The following BOD1L1 variants were observed in gnomAD, a reference collection of about 807,000 sequenced individuals.
The protein encoded by BOD1L1 is biorientation of chromosomes in cell division protein 1-like 1.
Under a neutral mutation model 240.7 loss-of-function variants are expected in BOD1L1, and 86 were observed. That is an observed-to-expected ratio of 0.36 (90% confidence interval 0.30 to 0.43). The LOEUF is 0.43. Among genes scored for constraint, BOD1L1 ranks in the 20% least tolerant of loss-of-function variants. The pLI, the probability that BOD1L1 is intolerant of heterozygous loss-of-function variation, is 1.00. For synonymous variants in BOD1L1, 1,268 were observed against 1,272.3 expected, an observed-to-expected ratio of 1.00 and a Z score of 0.07; for missense variants, 3,554 against 3,643.5, an observed-to-expected ratio of 0.98 and a Z score of 0.63.
At chr4:13,596,585 T>A (rs1280677319) in intron 11 of BOD1L1, among the ~76,000 whole-genome samples, 1 of 146,976 alleles carries the variant, frequency 6.8e-6, no homozygotes. Context: ...AAGCCATGCT[T>A]AAAAAAAAAA....
rs547444100 is a variant in BOD1L1 at position 13,599,468 on chromosome 4, T to A, written c.7432A>T (p.Thr2478Ser). ...SLQKEDKSPE[T>S]GTAGGSSTAS... ...GTGCTACTGCCCCCTGCTGTCCCTG[T>A]CTCTGGGCTCTTATCTTCTTTCTGA... The change falls in exon 10 of 26, where the codon ACA becomes TCA. Residue 2478 changes from threonine to serine, a missense_variant. Transcript: ENST00000040738. The A allele has an allele frequency of 9.8e-5, 158 of 1,614,016 alleles. No homozygotes were observed. In the South Asian group the frequency reaches 1.7e-3, roughly 17 times the overall value.
chr4:13,593,123 A>T (rs1714346949), intron 12 of BOD1L1: 1 of 152,182 alleles, frequency 6.6e-6, no homozygotes, highest in African/African-American at 2.4e-5. Context: ...ATGCTCAATG[A>T]GGTATAATGC....
At chr4:13,618,936 G>A (rs534719860) in intron 2 of BOD1L1, among the ~76,000 whole-genome samples, 121 of 152,052 alleles carry the variant, frequency 8.0e-4, no homozygotes, top group Non-Finnish European at 1.4e-3. Context: ...AAGTCAGGGA[G>A]ACTGGATGAT....
Position 13,627,661 on chromosome 4 carries a change from G to A in BOD1L1, c.-74C>T. On this transcript the variant is annotated 5_prime_UTR_variant, in exon 1 of 26. Coordinates refer to ENST00000040738, the MANE Select transcript of BOD1L1 (RefSeq NM_148894.3). ...GGGAGGCGGCGGCTGCACTGGTCCC[G>A]CCGCCTGAGGGAAGCCAACGGGATG... The A allele has an allele frequency of 1.9e-6, 2 of 1,049,792 alleles. No individual in the cohort carries two copies. Among genetic ancestry groups the A allele is most frequent in the South Asian group, 4.4e-5 (1 of 22,544 alleles). The allele number at this position is 1,049,792 out of a possible 1,614,324, so 65.0% of individuals were successfully genotyped here.
chr4:13,614,026 G>C (rs1249354026), intron 4 of BOD1L1, among the ~76,000 whole-genome samples, 170 bp downstream of exon 4: 2 of 152,110 alleles, frequency 1.3e-5, no homozygotes, highest in African/African-American at 2.4e-5. Context: ...ACAGATATAT[G>C]AGTACACAAA....
At position 13,588,531 on chromosome 4, in the gene BOD1L1, A is replaced by T. The variant is rs180883540; in HGVS notation, c.8280+191T>A. Among the ~76,000 whole-genome samples, 27 of 152,322 alleles carry T rather than the reference A, an allele frequency of 1.8e-4. 1 individual carries two copies. Among genetic ancestry groups the T allele is most frequent in the Admixed American group, 1.6e-3 (24 of 15,306 alleles). On this transcript the variant is annotated intron_variant, in intron 15 of 25. Transcript: ENST00000040738. The stretch of plus-strand genomic sequence containing the variant: ...CTGTACAACGTGGGCACTTCCAAAC[A>T]GTCCTGGGAACTGCCAAATTGCCTA...
chr4:13,592,053 G>T, intron 12 of BOD1L1, 87 bp from the exon 13 acceptor site: 39 of 975,056 alleles, frequency 4.0e-5, no homozygotes, highest in Non-Finnish European at 5.6e-5. Context: ...TTAGGATAGG[G>T]AACCTATCCT....
chr4:13,594,188 T>C (rs571346710), intron 12 of BOD1L1, among the ~76,000 whole-genome samples: 7 of 151,844 alleles, frequency 4.6e-5, no homozygotes, highest in Admixed American at 2.6e-4. Context: ...CAAATGCCTA[T>C]AGAGTTTTTT....
In BOD1L1 at chr4:13,602,473, C is replaced by G. The variant is rs577265358; in HGVS notation, c.4427G>C (p.Arg1476Thr). ...GGTGTCTACCTCACTGTTTTCATTC[C>G]TTCTTTCAACATCAATTGATATGTC... is the stretch of plus-strand genomic sequence containing the variant. The part of the protein sequence containing the change: ...VKDISIDVER[R>T]NENSEVDTSA... Residue 1476 changes from arginine to threonine, a missense_variant, in exon 10 of 26, where the codon AGG becomes ACG. Around this residue, in one of 2 missense-constraint regions of BOD1L1, gnomAD observed 3,393 missense variants for 3,427.1 expected, o/e 0.99. Coordinates refer to ENST00000040738, the MANE Select transcript of BOD1L1 (RefSeq NM_148894.3). The G allele has an allele frequency of 1.3e-4, 208 of 1,613,928 alleles. 1 individual carries two copies. In the South Asian group the frequency reaches 2.1e-3, roughly 16 times the overall value.
intron 25 of BOD1L1, among the ~76,000 whole-genome samples, chr4:13,574,072 G>A (rs1712489098): frequency 6.6e-6 from 1 of 152,172 alleles, no homozygotes; most frequent in African/African-American, 2.4e-5. Context: ...CCTGGAAGCT[G>A]CCCTCAAATA....
intron 12 of BOD1L1, chr4:13,592,687 G>A (rs1210689942): frequency 1.3e-5 from 2 of 152,190 alleles, no homozygotes; most frequent in Non-Finnish European, 2.9e-5. Context: ...GTTTTAACAT[G>A]TCAGTATAAA....
At chr4:13,592,023 A>C in intron 12 of BOD1L1, 57 bp from the exon 13 acceptor site, 1 of 1,359,880 alleles carries the variant, frequency 7.4e-7, no homozygotes, top group Non-Finnish European at 1.0e-6. Flanking sequence ...TGAAATGCAG[A>C]GAAACAAATT....
chr4:13,594,552 G>C (rs979425477), intron 12 of BOD1L1, among the ~76,000 whole-genome samples: 7 of 152,118 alleles, frequency 4.6e-5, no homozygotes, highest in African/African-American at 1.7e-4. Context: ...GAATTTTCCA[G>C]AGGCTAAGAT....
At chr4:13,597,837 T>C (rs1283149761) in intron 10 of BOD1L1, among the ~76,000 whole-genome samples, 1 of 152,248 alleles carries the variant, frequency 6.6e-6, no homozygotes, top group East Asian at 1.9e-4. Context: ...GTAAAGTTAC[T>C]TGTTTCAACC....
rs1407549969 is a variant in BOD1L1, at chr4:13,600,103, C to A, written c.6797G>T (p.Gly2266Val). ...ISTSSVEDCE[G>V]PVSSAVPQEE... ...TTGAGGGACAGCACTGGACACTGGG[C>A]CCTCACAGTCTTCCACCGAGCTCGT... Residue 2266 changes from glycine (G) to valine (V), a missense_variant, in exon 10 of 26, where the codon GGC (glycine) becomes GTC (valine). This residue lies in a region of BOD1L1 where 3,393 missense variants were observed against 3,427.1 expected (regional missense o/e 0.99). Coordinates refer to ENST00000040738, the MANE Select transcript of BOD1L1 (RefSeq NM_148894.3). 3 of 1,613,804 alleles carry A rather than the reference C, an allele frequency of 1.9e-6. No individual in the cohort carries two copies. Among genetic ancestry groups the A allele is most frequent in the Non-Finnish European group, 2.5e-6 (3 of 1,179,834 alleles).
At chr4:13,594,403 C>G (rs905721791) in intron 12 of BOD1L1, among the ~76,000 whole-genome samples, 4 of 152,182 alleles carry the variant, frequency 2.6e-5, no homozygotes, top group Non-Finnish European at 4.4e-5. Flanking sequence ...TAATTCCTCA[C>G]TGTCACAGTT....
At chr4:13,577,376 C>CTT (rs752314520) in intron 24 of BOD1L1, 27 bp downstream of exon 24, 4 of 1,601,412 alleles carry the variant, frequency 2.5e-6, no homozygotes, top group Non-Finnish European at 3.4e-6. Context: ...AACAATAAGA[C>CTT]TTATTAAGAA....
chr4:13,580,875 A>G (rs879894003), intron 21 of BOD1L1, 145 bp downstream of exon 21: 27 of 655,332 alleles, frequency 4.1e-5, no homozygotes, highest in Non-Finnish European at 5.9e-5. Context: ...CAAAGATACT[A>G]GTAATCAAAA....
At chr4:13,594,777 C>T (rs1389018621) in intron 12 of BOD1L1, among the ~76,000 whole-genome samples, 1 of 152,092 alleles carries the variant, frequency 6.6e-6, no homozygotes, top group East Asian at 1.9e-4. Context: ...TGCCTGTAAT[C>T]CCAGCTACTC....
Sources: allele counts gnomAD v4.1 joint callset (sites outside exome capture counted in the v4.1 genomes callset), GRCh38; gene constraint gnomAD v4.1.1; regional missense constraint gnomAD v4.1.1; transcripts MANE v1.5; gene names NCBI Gene and HGNC (gene_info 2026-07-23, HGNC 2026-07-21).